RFXAP: variants seen among roughly 807,000 people sequenced by gnomAD.
RFXAP encodes regulatory factor X-associated protein.
Under a neutral mutation model 25.7 loss-of-function variants are expected in RFXAP, and 21 were observed. The observed-to-expected ratio is 0.82, with a 90% CI of 0.58 to 1.18. RFXAP has a LOEUF of 1.18. Ranked by LOEUF, RFXAP falls within the 50% of genes most tolerant of loss-of-function variation. The pLI is 0.00. For missense variants in RFXAP, 333 were observed against 363.0 expected (o/e 0.92, Z 0.67); for synonymous variants, 161 against 152.2 (o/e 1.06, Z -0.43).
intron 2 of RFXAP, among the ~76,000 whole-genome samples, chr13:36,827,095 A>C (rs1566320965): frequency 1.3e-5 from 2 of 152,138 alleles, no homozygotes; most frequent in South Asian, 4.1e-4. Context: ...TAGAGCAGTT[A>C]TATTTTTTCC....
rs1566321092 is a variant in RFXAP, at chr13:36,827,629, CT to C, written c.709-10del. On this transcript the variant is annotated splice_polypyrimidine_tract_variant and intron_variant, in intron 2 of 2. Coordinates refer to ENST00000255476, the MANE Select transcript of RFXAP (RefSeq NM_000538.4). ...GATTAATGCTATTAATAATTTTTTT[CT>C]TTTCTTTCTAAGTCGTTACTAAGAA... 1 of 1,591,562 alleles carries C rather than the reference CT, an allele frequency of 6.3e-7. No individual in the cohort carries two copies. Among genetic ancestry groups the C allele is most frequent in the Non-Finnish European group, 8.6e-7 (1 of 1,160,590 alleles).
At position 36,819,254 on chromosome 13, in the gene RFXAP, G is replaced by A. The variant is rs554313459; in HGVS notation, c.-104G>A. The A allele has an allele frequency of 6.9e-5, 79 of 1,145,372 alleles. No homozygotes were observed. The highest frequency in any genetic ancestry group is 1.9e-4 in the African/African-American group (12 of 62,292). The allele number at this position is 1,145,372 out of a possible 1,614,324, so 71.0% of individuals were successfully genotyped here. On this transcript the variant is annotated 5_prime_UTR_variant, in exon 1 of 3. Transcript: ENST00000255476. ...GTCGGGGCGCCTTCCCGGTATAGGC[G>A]CCTTTTACCCCAGCGTGTCCTGAGT...
At chr13:36,820,023 G>A (rs1035659964) in intron 1 of RFXAP, 66 bp downstream of exon 1, 1 of 1,577,698 alleles carries the variant, frequency 6.3e-7, no homozygotes, top group South Asian at 1.2e-5. Flanking sequence ...AACGCAAACC[G>A]CATCTGCAGG....
In RFXAP at chr13:36,828,493, CA is replaced by C. The variant is rs1188588244; in HGVS notation, c.*741del. 3.3e-5 allele frequency: 5 copies of C among 152,324 alleles called. No homozygotes were observed. The highest frequency in any genetic ancestry group is 7.3e-5 in the Non-Finnish European group (5 of 68,126). The allele number at this position is 152,324 out of a possible 1,614,324, so 9.4% of individuals were successfully genotyped here. ...TAAGCACACTGGGATGTGTCTCCTA[CA>C]GTTGGCTTCTCTCTTTGATGTTACC... is the stretch of plus-strand genomic sequence containing the variant. On this transcript the variant is annotated 3_prime_UTR_variant, in exon 3 of 3. Coordinates refer to ENST00000255476, the MANE Select transcript of RFXAP (RefSeq NM_000538.4).
chr13:36,821,331 A>C (rs992654361), intron 1 of RFXAP, among the ~76,000 whole-genome samples: 1 of 151,882 alleles, frequency 6.6e-6, no homozygotes, highest in African/African-American at 2.4e-5. Context: ...GAAGTGCTCC[A>C]TCACTAAAAT....
intron 1 of RFXAP, among the ~76,000 whole-genome samples, chr13:36,821,205 C>T (rs1347847544): frequency 9.2e-6 from 1 of 109,122 alleles, no homozygotes; most frequent in Non-Finnish European, 1.8e-5. Flanking sequence ...TAGCAAGACC[C>T]TGTCTCCTTA....
chr13:36,823,419 A>G (rs190031592), intron 1 of RFXAP, among the ~76,000 whole-genome samples: 2 of 152,344 alleles, frequency 1.3e-5, no homozygotes, highest in East Asian at 3.9e-4. Context: ...CCAGTTTTTT[A>G]TAGTATTGAA....
intron 1 of RFXAP, among the ~76,000 whole-genome samples, chr13:36,824,475 G>A (rs1327536379): frequency 6.6e-6 from 1 of 152,082 alleles, no homozygotes; most frequent in African/African-American, 2.4e-5. Context: ...GTAGAAAGAA[G>A]CCCAAGAGAA....
chr13:36,823,634 C>G (rs1020264342), intron 1 of RFXAP, among the ~76,000 whole-genome samples: 2 of 152,080 alleles, frequency 1.3e-5, no homozygotes, highest in Non-Finnish European at 2.9e-5. Context: ...ATTAAGTTCT[C>G]TATTCCAATG....
At chr13:36,822,771 A>C (rs1242208015) in intron 1 of RFXAP, among the ~76,000 whole-genome samples, 3 of 152,222 alleles carry the variant, frequency 2.0e-5, no homozygotes, top group Non-Finnish European at 2.9e-5. Context: ...ATAGTTTACT[A>C]TCCAGTTTGT....
chr13:36,827,934 T>C lies in RFXAP; in HGVS notation c.*181T>C, dbSNP rs1450966824. The C allele has an allele frequency of 3.4e-6, 2 of 580,300 alleles. No homozygotes were observed. Among genetic ancestry groups the C allele is most frequent in the African/African-American group, 3.8e-5 (2 of 53,084 alleles). The allele number at this position is 580,300 out of a possible 1,614,324, so 35.9% of individuals were successfully genotyped here. On this transcript the variant is annotated 3_prime_UTR_variant, in exon 3 of 3. Coordinates refer to ENST00000255476, the MANE Select transcript of RFXAP (RefSeq NM_000538.4). ...CACTTTGTGCATCTAATCTTTCAGA[T>C]TACTGTGAGTTTGAAGAAGTCAGCT...
chr13:36,824,534 A>G (rs1021845239), intron 1 of RFXAP, among the ~76,000 whole-genome samples: 32 of 152,216 alleles, frequency 2.1e-4, no homozygotes, highest in Admixed American at 3.9e-4. Flanking sequence ...GGTTAAATTC[A>G]TGTAAGGTAT....
chr13:36,819,804 C>T lies in RFXAP; in HGVS notation c.447C>T (p.Thr149=). Residue 149 remains threonine, a synonymous_variant, in exon 1 of 3, where the codon ACC becomes ACT. Coordinates refer to ENST00000255476, the MANE Select transcript of RFXAP (RefSeq NM_000538.4). The part of the protein sequence containing the change: ...KTCTYEGCSE[T]TSQVAKQRKP... Reference sequence around the variant, plus strand: ...GCACCTACGAAGGCTGCAGCGAGACCACGAGCCAGGTGGCCAAGCAGCGCA... The same window carrying T: ...GCACCTACGAAGGCTGCAGCGAGACTACGAGCCAGGTGGCCAAGCAGCGCA... 3 of 1,592,360 alleles carry T rather than the reference C, an allele frequency of 1.9e-6. No individual in the cohort carries two copies. The highest frequency in any genetic ancestry group is 2.6e-6 in the Non-Finnish European group (3 of 1,168,608).
intron 1 of RFXAP, among the ~76,000 whole-genome samples, chr13:36,824,281 G>A (rs920518109): frequency 6.6e-6 from 1 of 152,116 alleles, no homozygotes; most frequent in Non-Finnish European, 1.5e-5. Flanking sequence ...AAATCAACTT[G>A]GGGGTTGCTG....
At chr13:36,820,113 A>G (rs1165292687) in intron 1 of RFXAP, among the ~76,000 whole-genome samples, 156 bp downstream of exon 1, 1 of 152,202 alleles carries the variant, frequency 6.6e-6, no homozygotes, top group Admixed American at 6.5e-5. Flanking sequence ...GCCCTAAATT[A>G]AAGTTTATAC....
intron 1 of RFXAP, among the ~76,000 whole-genome samples, chr13:36,822,211 C>T (rs887360091): frequency 1.3e-5 from 2 of 151,930 alleles, no homozygotes; most frequent in Admixed American, 6.6e-5. Context: ...GTGCCTCAGC[C>T]TCCTGAGTAG....
At position 36,819,509 on chromosome 13, in the gene RFXAP, C is replaced by T. The variant is rs2057954189; in HGVS notation, c.152C>T (p.Pro51Leu). The T allele has an allele frequency of 6.4e-7, 1 of 1,550,680 alleles. No individual in the cohort carries two copies. The highest frequency in any genetic ancestry group is 8.7e-7 in the Non-Finnish European group (1 of 1,147,666). The change falls in exon 1 of 3, where the codon CCC becomes CTC. Residue 51 changes from proline to leucine, a missense_variant. Transcript: ENST00000255476. ...CAATTCACCCTGCTAGTGATGCAAC[C>T]CTGTGCTGGGCAGGACGAGGCTGCG... Reference protein sequence around the residue: ...ASQFTLLVMQPCAGQDEAAAP... With the variant: ...ASQFTLLVMQLCAGQDEAAAP...
At chr13:36,821,367 T>C (rs1227793492) in intron 1 of RFXAP, among the ~76,000 whole-genome samples, 5 of 152,084 alleles carry the variant, frequency 3.3e-5, no homozygotes, top group African/African-American at 1.2e-4. Context: ...TGTTTACAAA[T>C]GTAATGTTCT....
Position 36,825,550 on chromosome 13 carries a change from G to A in RFXAP, c.708+15G>A. The stretch of plus-strand genomic sequence containing the variant: ...AAAAAAGACTGGTAAATATCTGTTT[G>A]TAAATCAGTTATAAATGTGTTAACA... On this transcript the variant is annotated intron_variant, in intron 2 of 2. Coordinates refer to ENST00000255476, the MANE Select transcript of RFXAP (RefSeq NM_000538.4). The A allele has an allele frequency of 6.4e-7, 1 of 1,550,644 alleles. No homozygotes were observed. Among genetic ancestry groups the A allele is most frequent in the Non-Finnish European group, 8.9e-7 (1 of 1,126,002 alleles).
Sources: allele counts gnomAD v4.1 joint callset (sites outside exome capture counted in the v4.1 genomes callset), GRCh38; gene constraint gnomAD v4.1.1; transcripts MANE v1.5; gene names NCBI Gene and HGNC (gene_info 2026-07-23, HGNC 2026-07-21).